The following NRG3 variants were observed in gnomAD, a reference collection of about 807,000 sequenced individuals.
NRG3 encodes neuregulin 3.
Under a neutral mutation model 66.9 loss-of-function variants are expected in NRG3, and 31 were observed. The observed-to-expected ratio is 0.46, with a 90% CI of 0.35 to 0.63. The LOEUF (loss-of-function observed/expected upper bound fraction) is 0.63. Among genes scored for constraint, NRG3 ranks in the 20% least tolerant of loss-of-function variants. The pLI is 0.00. For missense variants in NRG3, 910 were observed against 878.9 expected (o/e 1.04, Z -0.45); for synonymous variants, 393 against 359.4 (o/e 1.09, Z -1.06).
At chr10:81,953,778 T>A (rs1849583328) in intron 1 of NRG3, among the ~76,000 whole-genome samples, 1 of 152,184 alleles carries the variant, frequency 6.6e-6, no homozygotes, top group Non-Finnish European at 1.5e-5. Context: ...AAATTTTCAG[T>A]TTCTTTGATT....
At chr10:82,313,452 A>G in intron 1 of NRG3, among the ~76,000 whole-genome samples, 1 of 152,194 alleles carries the variant, frequency 6.6e-6, no homozygotes, top group East Asian at 1.9e-4. Context: ...CCAATCCTGA[A>G]TGTATTTAAT....
chr10:82,764,858 A>G (rs1249685550), intron 3 of NRG3, among the ~76,000 whole-genome samples: 1 of 152,092 alleles, frequency 6.6e-6, no homozygotes, highest in Non-Finnish European at 1.5e-5. Flanking sequence ...CAGAGAGAGC[A>G]ACAGAAAGAG....
intron 1 of NRG3, among the ~76,000 whole-genome samples, chr10:82,058,602 A>G (rs968203053): frequency 6.6e-6 from 1 of 151,542 alleles, no homozygotes; most frequent in African/African-American, 2.4e-5. Context: ...AAATTAGCTT[A>G]ATTTAGGTCA....
At chr10:82,227,825 G>A (rs1382787437) in intron 1 of NRG3, among the ~76,000 whole-genome samples, 1 of 152,126 alleles carries the variant, frequency 6.6e-6, no homozygotes. Flanking sequence ...TGTCTTTCTA[G>A]AACATCTCAT....
At chr10:82,940,073 C>T (rs1037542536) in intron 4 of NRG3, among the ~76,000 whole-genome samples, 2 of 152,034 alleles carry the variant, frequency 1.3e-5, no homozygotes, top group African/African-American at 4.8e-5. Flanking sequence ...TGGGTATGTG[C>T]ATTTTTGGTA....
intron 3 of NRG3, among the ~76,000 whole-genome samples, chr10:82,760,196 A>C (rs934645050): frequency 6.6e-6 from 1 of 152,110 alleles, no homozygotes; most frequent in Non-Finnish European, 1.5e-5. Flanking sequence ...CTAGCACCAC[A>C]ACCCCAGAAA....
chr10:82,321,679 A>G (rs1349356684), intron 1 of NRG3, among the ~76,000 whole-genome samples: 1 of 152,238 alleles, frequency 6.6e-6, no homozygotes, highest in Non-Finnish European at 1.5e-5. Flanking sequence ...CTTAAAATAA[A>G]GATATGATTT....
Position 82,985,311 on chromosome 10 carries a change from A to G in NRG3, c.1797A>G (p.Lys599=), listed in dbSNP as rs764090877. 37 of 1,614,034 alleles carry G rather than the reference A, an allele frequency of 2.3e-5. No individual in the cohort carries two copies. Among genetic ancestry groups the G allele is most frequent in the South Asian group, 1.5e-4 (14 of 91,088 alleles). The change falls in exon 9 of 9, where the codon AAA becomes AAG. Residue 599 remains lysine, a synonymous_variant. Transcript: ENST00000372141. ...MPGISEVKSI[K]WCKNSYSADV... The stretch of plus-strand genomic sequence containing the variant: ...GGATTTCTGAAGTCAAAAGCATCAA[A>G]TGGTGCAAAAACTCCTATTCAGCTG...
intron 3 of NRG3, among the ~76,000 whole-genome samples, chr10:82,751,127 C>G: frequency 6.6e-6 from 1 of 152,104 alleles, no homozygotes; most frequent in East Asian, 1.9e-4. Flanking sequence ...TTCTGAATTC[C>G]TGGCTCCCCT....
intron 1 of NRG3, among the ~76,000 whole-genome samples, chr10:82,097,550 C>T (rs1413038996): frequency 6.7e-6 from 1 of 148,428 alleles, no homozygotes. Context: ...ATAGGCACAC[C>T]CATATATATA....
rs921890588 is a variant in NRG3 at position 82,437,670 on chromosome 10, A to G, written c.953+78802A>G. On this transcript the variant is annotated intron_variant, in intron 2 of 8. Transcript: ENST00000372141. ...CATTGATTCTTTCTCATCTTCGTGA[A>G]TTTGTCTACTTTTGGTCTTTGAGGT... 3.3e-5 allele frequency among the ~76,000 whole-genome samples: 5 copies of G among 151,946 alleles called. No homozygotes were observed. The South Asian group carries it at 8.3e-4, about 25-fold the overall frequency.
At chr10:82,149,110 A>C (rs11192700) in intron 1 of NRG3, among the ~76,000 whole-genome samples, 17,883 of 151,762 alleles carry the variant, frequency 0.12, 1,765 homozygotes, top group African/African-American at 0.26. Flanking sequence ...CTAATAAAAT[A>C]TGAATTATAA....
chr10:82,654,453 T>C (rs935847012), intron 2 of NRG3, among the ~76,000 whole-genome samples: 1 of 152,208 alleles, frequency 6.6e-6, no homozygotes, highest in Admixed American at 6.5e-5. Context: ...CAGCATGCAA[T>C]GTGTAATCTT....
At chr10:82,021,168 C>A (rs1438503881) in intron 1 of NRG3, among the ~76,000 whole-genome samples, 1 of 152,074 alleles carries the variant, frequency 6.6e-6, no homozygotes, top group Non-Finnish European at 1.5e-5. Context: ...ACACTGCCAC[C>A]TGACCTTTGG....
chr10:82,508,744 G>A (rs1219575503), intron 2 of NRG3, among the ~76,000 whole-genome samples: 3 of 152,150 alleles, frequency 2.0e-5, no homozygotes, highest in Non-Finnish European at 2.9e-5. Flanking sequence ...CAAGTGGGAT[G>A]CTGGAACGAT....
intron 3 of NRG3, among the ~76,000 whole-genome samples, chr10:82,830,655 G>A (rs1391930737): frequency 6.6e-6 from 1 of 152,124 alleles, no homozygotes; most frequent in Admixed American, 6.5e-5. Context: ...AAAAACGACT[G>A]CACATGAGAA....
chr10:82,645,095 A>AT (rs1467486179), intron 2 of NRG3, among the ~76,000 whole-genome samples: 2 of 152,058 alleles, frequency 1.3e-5, no homozygotes, highest in East Asian at 1.9e-4. Flanking sequence ...CTGTTTTCAT[A>AT]TTTTTTCTTT....
intron 1 of NRG3, among the ~76,000 whole-genome samples, chr10:82,316,240 C>A (rs2081288471): frequency 6.6e-6 from 1 of 152,090 alleles, no homozygotes; most frequent in African/African-American, 2.4e-5. Flanking sequence ...GAAGAATATT[C>A]AAAACACTCC....
intron 1 of NRG3, among the ~76,000 whole-genome samples, chr10:82,189,005 T>A (rs1003905734): frequency 6.6e-6 from 1 of 152,040 alleles, no homozygotes; most frequent in African/African-American, 2.4e-5. Context: ...AAACAAAAAT[T>A]AAAAATTTTA....
Sources: gnomAD v4.1 joint callset for allele counts (sites outside exome capture counted in the v4.1 genomes callset) on GRCh38, gnomAD v4.1.1 for gene constraint, MANE v1.5 for transcripts, NCBI Gene and HGNC (gene_info 2026-07-23, HGNC 2026-07-21) for gene names.